KIAA1217: variants seen among roughly 807,000 people sequenced by gnomAD.
The protein encoded by KIAA1217 is KIAA1217.
KIAA1217 carries 88 observed loss-of-function variants against 163.9 expected under a neutral mutation model. The observed-to-expected ratio is 0.54, with a 90% confidence interval of 0.45 to 0.64. The LOEUF (loss-of-function observed/expected upper bound fraction) is 0.64. Ranked by LOEUF, KIAA1217 falls within the 30% of genes least tolerant of loss-of-function variation. The probability of loss-of-function intolerance (pLI) is 0.00; values close to 1 mark genes in which losing one functional copy is unlikely to be tolerated. For synonymous variants in KIAA1217, 903 were observed against 923.1 expected (o/e 0.98, Z 0.39); for missense variants, 2,372 against 2,475.0 (o/e 0.96, Z 0.88).
At chr10:23,976,280 A>T (rs894626377) in intron 1 of KIAA1217, among the ~76,000 whole-genome samples, 1 of 152,222 alleles carries the variant, frequency 6.6e-6, no homozygotes, top group Non-Finnish European at 1.5e-5. Context: ...TCTGTTCATC[A>T]TTCCAGACTG....
intron 2 of KIAA1217, among the ~76,000 whole-genome samples, chr10:24,364,776 T>A (rs1045471657): frequency 6.6e-6 from 1 of 151,606 alleles, no homozygotes; most frequent in African/African-American, 2.4e-5. Flanking sequence ...CTTTCTTTCT[T>A]TTTTCTTCCT....
At chr10:23,716,755 G>C (rs1326357144) in intron 1 of KIAA1217, among the ~76,000 whole-genome samples, 1 of 152,070 alleles carries the variant, frequency 6.6e-6, no homozygotes, top group Non-Finnish European at 1.5e-5. Context: ...TTATATGCAT[G>C]TAACAACAAA....
chr10:24,113,415 C>T (rs1026749599), intron 2 of KIAA1217, among the ~76,000 whole-genome samples: 5 of 152,150 alleles, frequency 3.3e-5, no homozygotes, highest in African/African-American at 1.2e-4. Context: ...GCCACCTCAA[C>T]AACACCAAAT....
At position 23,932,164 on chromosome 10, in the gene KIAA1217, A is replaced by G. The variant is rs942528676; in HGVS notation, c.-320-75061A>G. Among the ~76,000 whole-genome samples the G allele has an allele frequency of 2.6e-5, 4 of 152,118 alleles. No individual in the cohort carries two copies. In the South Asian group the frequency reaches 8.3e-4, roughly 32 times the overall value. On this transcript the variant is annotated intron_variant, in intron 1 of 18. Transcript: ENST00000376462. ...CAAGTGAGTCCTTGGTGCAGTCCTGAAGTTGACCTCCTGGGACAAAGGTGA... is the reference window on the plus strand; with the variant it reads ...CAAGTGAGTCCTTGGTGCAGTCCTGGAGTTGACCTCCTGGGACAAAGGTGA...
rs185881896 is a variant in KIAA1217 at position 23,727,118 on chromosome 10, G to A, written c.-321+31884G>A. On this transcript the variant is annotated intron_variant, in intron 1 of 18. Transcript: ENST00000376462. ...TTCTCCTGCCTCAGCCTCCTGAGTA[G>A]CTGGGACTGCAGTTGCCTGCCACCA... 3.0e-3 allele frequency among the ~76,000 whole-genome samples: 447 copies of A among 151,084 alleles called. 1 individual carries two copies. Among genetic ancestry groups the A allele is most frequent in the African/African-American group, 0.01 (427 of 41,192 alleles).
At chr10:23,785,835 A>G (rs1835467631) in intron 1 of KIAA1217, among the ~76,000 whole-genome samples, 1 of 152,130 alleles carries the variant, frequency 6.6e-6, no homozygotes, top group African/African-American at 2.4e-5. Context: ...CTGGAGTAAA[A>G]GAGTTGAGGA....
intron 3 of KIAA1217, among the ~76,000 whole-genome samples, chr10:24,427,319 C>T (rs1232586034): frequency 6.6e-6 from 1 of 151,676 alleles, no homozygotes; most frequent in Non-Finnish European, 1.5e-5. Flanking sequence ...CACGCTTCAA[C>T]ATCTTCAAGC....
intron 2 of KIAA1217, among the ~76,000 whole-genome samples, chr10:24,065,971 C>CT (rs911224843): frequency 6.6e-6 from 1 of 151,976 alleles, no homozygotes; most frequent in Non-Finnish European, 1.5e-5. Flanking sequence ...TAACCCCTGC[C>CT]TTTTTTTGTT....
At chr10:23,866,207 G>T (rs983065850) in intron 1 of KIAA1217, among the ~76,000 whole-genome samples, 4 of 152,030 alleles carry the variant, frequency 2.6e-5, no homozygotes, top group Non-Finnish European at 5.9e-5. Context: ...ATGTCGGGGG[G>T]AGATATTGCT....
At chr10:24,521,476 C>T (rs530432791) in intron 11 of KIAA1217, among the ~76,000 whole-genome samples, 5 of 152,278 alleles carry the variant, frequency 3.3e-5, no homozygotes, top group Non-Finnish European at 2.9e-5. Flanking sequence ...CACTGCACTC[C>T]AGCCTGGATG....
intron 3 of KIAA1217, among the ~76,000 whole-genome samples, chr10:24,420,039 C>T (rs2058604368): frequency 6.6e-6 from 1 of 151,900 alleles, no homozygotes; most frequent in African/African-American, 2.4e-5. Flanking sequence ...CTCCATGGAA[C>T]AAGTGTCCAC....
intron 1 of KIAA1217, among the ~76,000 whole-genome samples, chr10:23,924,791 CA>C (rs1375670206): frequency 2.0e-5 from 3 of 152,126 alleles, no homozygotes; most frequent in African/African-American, 7.2e-5. Context: ...TCCTTTATGA[CA>C]CTGTTTCTGA....
intron 1 of KIAA1217, among the ~76,000 whole-genome samples, chr10:23,925,164 A>G (rs1445876997): frequency 1.3e-5 from 2 of 152,194 alleles, no homozygotes; most frequent in Non-Finnish European, 2.9e-5. Flanking sequence ...ATAGGGAAAG[A>G]AGGAGAAGGA....
chr10:23,982,529 T>TTCTCTCTCTC (rs59075123), intron 1 of KIAA1217, among the ~76,000 whole-genome samples: 1,196 of 73,574 alleles, frequency 0.016, 137 homozygotes, highest in East Asian at 0.027. Context: ...TGTTTTTTGT[T>TTCTCTCTCTC]TCTCTCTCTC....
intron 1 of KIAA1217, among the ~76,000 whole-genome samples, chr10:23,806,914 T>G (rs1263079070): frequency 1.3e-5 from 2 of 152,226 alleles, no homozygotes; most frequent in Non-Finnish European, 2.9e-5. Flanking sequence ...CAATCCTAAC[T>G]CTGCATTCAC....
intron 1 of KIAA1217, among the ~76,000 whole-genome samples, chr10:24,218,468 T>C (rs2069126221): frequency 6.6e-6 from 1 of 151,806 alleles, no homozygotes; most frequent in South Asian, 2.1e-4. Context: ...AGCCTTTACT[T>C]TATAACTCCT....
chr10:24,119,019 G>T (rs1240135284), intron 2 of KIAA1217, among the ~76,000 whole-genome samples: 1 of 151,708 alleles, frequency 6.6e-6, no homozygotes, highest in African/African-American at 2.4e-5. Flanking sequence ...GTTATCAGTT[G>T]TACTATAAAT....
chr10:23,890,378 T>C (rs1338818335), intron 1 of KIAA1217, among the ~76,000 whole-genome samples: 1 of 151,830 alleles, frequency 6.6e-6, no homozygotes, highest in African/African-American at 2.4e-5. Context: ...AATTTTCTTC[T>C]GAGCAATGCT....
chr10:24,081,585 C>T (rs886445699), intron 2 of KIAA1217, among the ~76,000 whole-genome samples: 2 of 152,146 alleles, frequency 1.3e-5, no homozygotes, highest in Admixed American at 6.5e-5. Flanking sequence ...TTTCACCTGG[C>T]CCCCTAAAAT....
Sources: gnomAD v4.1 joint callset for allele counts (sites outside exome capture counted in the v4.1 genomes callset) on GRCh38, gnomAD v4.1.1 for gene constraint, MANE v1.5 for transcripts, NCBI Gene and HGNC (gene_info 2026-07-23, HGNC 2026-07-21) for gene names.